The following MOBP variants were observed in gnomAD, a reference collection of about 807,000 sequenced individuals.
The protein encoded by MOBP is myelin associated oligodendrocyte basic protein, also known as myelin-associated oligodendrocyte basic protein.
Under a neutral mutation model 15.0 loss-of-function variants are expected in MOBP, and 5 were observed. That is an observed-to-expected ratio of 0.33 (90% CI 0.17 to 0.70). MOBP has a LOEUF of 0.70. MOBP is among the 30% of genes least tolerant of loss of function. The pLI, the probability that MOBP is intolerant of heterozygous loss-of-function variation, is 0.67. For synonymous variants in MOBP, 88 were observed against 99.0 expected, an observed-to-expected ratio of 0.89 and a Z score of 0.66; for missense variants, 188 against 257.8, an observed-to-expected ratio of 0.73 and a Z score of 1.85.
downstream of MOBP, among the ~76,000 whole-genome samples, chr3:39,518,681 A>G (rs1308726811): frequency 6.6e-6 from 1 of 152,168 alleles, no homozygotes; most frequent in Non-Finnish European, 1.5e-5. Context: ...TGCAATGGAG[A>G]TAATCCTATT....
At chr3:39,477,205 C>G (rs9868580) in intron 1 of MOBP, among the ~76,000 whole-genome samples, 6,983 of 152,102 alleles carry the variant, frequency 0.046, 251 homozygotes, top group African/African-American at 0.097. Context: ...GGTTAACAGC[C>G]TCTTAGCAAA....
intron 2 of MOBP, among the ~76,000 whole-genome samples, chr3:39,498,178 A>G (rs1379354304): frequency 6.6e-6 from 1 of 152,044 alleles, no homozygotes; most frequent in Non-Finnish European, 1.5e-5. Context: ...TAAAACGATG[A>G]CTCTGATTTA....
rs60949098 is a variant in MOBP at position 39,486,928 on chromosome 3, C to CT, written c.-5+6821dup. Among the ~76,000 whole-genome samples the CT allele has an allele frequency of 1.0e-3, 141 of 138,920 alleles. 1 individual carries two copies. The East Asian group carries it at 0.016, about 15-fold the overall frequency. 91.1% of individuals were successfully genotyped at this position (138,920 alleles called of 152,430 possible). ...TATTGTGTCTTTTGATGTACAGTAG[C>CT]TTTTTTTTTTTTTTTTAACTTCTGT... On this transcript the variant is annotated intron_variant, in intron 2 of 3. Transcript: ENST00000684792.
intron 2 of MOBP, among the ~76,000 whole-genome samples, chr3:39,491,949 A>C (rs12497832): frequency 1.3e-5 from 2 of 152,160 alleles, no homozygotes; most frequent in Admixed American, 1.3e-4. Flanking sequence ...ACACTTCAAC[A>C]GGAATAGTGT....
rs2043172968 is a variant in MOBP, at chr3:39,514,691, GT to G, written c.*1309del. On this transcript the variant is annotated 3_prime_UTR_variant, in exon 5 of 5. Coordinates refer to the MOBP transcript ENST00000311042. Reference sequence around the variant, plus strand: ...AGGAGGCCATTTCCTGATGTGAGGGGTCTGAACCCAATTATGATGGGACAGG... The same window carrying G: ...AGGAGGCCATTTCCTGATGTGAGGGGCTGAACCCAATTATGATGGGACAGG... The G allele has an allele frequency of 2.0e-5, 3 of 152,326 alleles. No homozygotes were observed. In the South Asian group the frequency reaches 6.2e-4, roughly 32 times the overall value. 9.4% of individuals were successfully genotyped at this position (152,326 alleles called of 1,614,324 possible). A position where few individuals can be genotyped will look rare whatever the true frequency, so the allele number is the denominator to read the frequency against.
At chr3:39,511,610 G>A (rs573688149) in intron 4 of MOBP, among the ~76,000 whole-genome samples, 5 of 152,244 alleles carry the variant, frequency 3.3e-5, no homozygotes, top group East Asian at 3.9e-4. Context: ...GCAGATGGTC[G>A]CCCTTTCTGT....
chr3:39,474,456 G>T (rs891357970), intron 1 of MOBP, among the ~76,000 whole-genome samples: 1 of 152,192 alleles, frequency 6.6e-6, no homozygotes, highest in South Asian at 2.1e-4. Context: ...GATGGTACAG[G>T]CTACTTAATA....
chr3:39,495,909 AAAT>A (rs2125648329), intron 2 of MOBP, among the ~76,000 whole-genome samples: 1 of 152,194 alleles, frequency 6.6e-6, no homozygotes, highest in East Asian at 1.9e-4. Flanking sequence ...TACTCAAAAA[AAAT>A]GAGAGAAGAT....
At chr3:39,469,593 G>T (rs768442262) in intron 1 of MOBP, among the ~76,000 whole-genome samples, 1 of 152,082 alleles carries the variant, frequency 6.6e-6, no homozygotes, top group Non-Finnish European at 1.5e-5. Context: ...ACCTGAGGCA[G>T]CTTTGACCTA....
At chr3:39,490,127 T>C (rs187935534) in intron 2 of MOBP, among the ~76,000 whole-genome samples, 1 of 152,316 alleles carries the variant, frequency 6.6e-6, no homozygotes, top group African/African-American at 2.4e-5. Context: ...TTAGGAAAGA[T>C]AAAGAATAGT....
downstream of MOBP, chr3:39,527,359 T>C (rs2043334887): frequency 6.6e-6 from 1 of 152,036 alleles, no homozygotes; most frequent in South Asian, 2.1e-4. Context: ...TGGAGAAAAT[T>C]GACAGATAAT....
intron 2 of MOBP, among the ~76,000 whole-genome samples, chr3:39,500,485 A>C (rs1314134658): frequency 6.6e-6 from 1 of 152,236 alleles, no homozygotes; most frequent in Non-Finnish European, 1.5e-5. Flanking sequence ...GAGGAGATCT[A>C]GGAGAATGTG....
intron 1 of MOBP, among the ~76,000 whole-genome samples, chr3:39,474,048 A>G (rs1229962552): frequency 6.6e-6 from 1 of 152,224 alleles, no homozygotes; most frequent in Non-Finnish European, 1.5e-5. Context: ...TATGGTTGAA[A>G]CACAGAGAGA....
At chr3:39,480,235 T>C (rs528247098) in intron 2 of MOBP, 112 bp downstream of exon 2, 1 of 152,222 alleles carries the variant, frequency 6.6e-6, no homozygotes, top group South Asian at 2.1e-4. Flanking sequence ...GAATGAGCAA[T>C]CAAATTTTCA....
intron 1 of MOBP, among the ~76,000 whole-genome samples, chr3:39,479,123 C>T (rs1004798882): frequency 6.6e-5 from 10 of 152,116 alleles, no homozygotes; most frequent in South Asian, 4.2e-4. Context: ...CCACCGCGCA[C>T]GGCCCTGATC....
intron 1 of MOBP, among the ~76,000 whole-genome samples, chr3:39,473,297 T>G (rs1449282108): frequency 6.6e-6 from 1 of 152,198 alleles, no homozygotes; most frequent in African/African-American, 2.4e-5. Flanking sequence ...AGACAGTGTT[T>G]TACCCATCAC....
intron 3 of MOBP, among the ~76,000 whole-genome samples, chr3:39,523,801 TA>T (rs1212141072): frequency 6.6e-6 from 1 of 152,170 alleles, no homozygotes; most frequent in East Asian, 1.9e-4. Flanking sequence ...GACATGGAGT[TA>T]TGTAACAAAA....
At chr3:39,492,194 T>C (rs1007593260) in intron 2 of MOBP, among the ~76,000 whole-genome samples, 1 of 152,204 alleles carries the variant, frequency 6.6e-6, no homozygotes, top group Non-Finnish European at 1.5e-5. Flanking sequence ...TGATGACCAG[T>C]GGCTTTGGTT....
downstream of MOBP, among the ~76,000 whole-genome samples, chr3:39,516,577 A>T (rs1482489617): frequency 1.3e-5 from 2 of 152,214 alleles, no homozygotes; most frequent in African/African-American, 2.4e-5. Flanking sequence ...GGTCAGAGGC[A>T]TGAGGATGGG....
Sources: allele counts gnomAD v4.1 joint callset (sites outside exome capture counted in the v4.1 genomes callset), GRCh38; gene constraint gnomAD v4.1.1; transcripts MANE v1.5; gene names NCBI Gene and HGNC (gene_info 2026-07-23, HGNC 2026-07-21).